The following PDGFRA variants were observed in gnomAD, a reference collection of about 807,000 sequenced individuals.
PDGFRA encodes the protein platelet derived growth factor receptor alpha.
PDGFRA carries 25 observed loss-of-function variants against 121.5 expected under a neutral mutation model. That is an observed-to-expected ratio of 0.21 (90% CI 0.15 to 0.29). PDGFRA has a LOEUF of 0.29. PDGFRA is among the 10% of genes least tolerant of loss of function. The probability of loss-of-function intolerance (pLI) is 1.00; values close to 1 mark genes in which losing one functional copy is unlikely to be tolerated. For missense variants in PDGFRA, 1,008 were observed against 1,345.1 expected, an observed-to-expected ratio of 0.75 and a Z score of 3.92; for synonymous variants, 463 against 494.8, an observed-to-expected ratio of 0.94 and a Z score of 0.85.
chr4:54,253,502 G>T (rs951200186), intron 1 of PDGFRA, among the ~76,000 whole-genome samples: 1 of 152,166 alleles, frequency 6.6e-6, no homozygotes, highest in Non-Finnish European at 1.5e-5. Flanking sequence ...AGAGTCAACA[G>T]AGCAGGGGTC....
At chr4:54,256,224 A>C (rs949574457) in intron 1 of PDGFRA, among the ~76,000 whole-genome samples, 2 of 151,934 alleles carry the variant, frequency 1.3e-5, no homozygotes, top group African/African-American at 2.4e-5. Context: ...CTCTACAGAT[A>C]ATTTTTATTT....
chr4:54,259,356 C>G (rs1305196201), intron 2 of PDGFRA, among the ~76,000 whole-genome samples: 4 of 152,166 alleles, frequency 2.6e-5, no homozygotes, highest in African/African-American at 9.7e-5. Context: ...AATTCTTGCC[C>G]AAGAAATCAT....
intron 16 of PDGFRA, among the ~76,000 whole-genome samples, chr4:54,281,198 C>T (rs1273261639): frequency 1.3e-5 from 2 of 152,136 alleles, no homozygotes. Context: ...TCCTCCAGAG[C>T]CCTGAACTGG....
At chr4:54,291,749 A>G (rs1006971041) in intron 22 of PDGFRA, among the ~76,000 whole-genome samples, 2 of 152,238 alleles carry the variant, frequency 1.3e-5, no homozygotes, top group Non-Finnish European at 2.9e-5. Flanking sequence ...TAACAGAATT[A>G]CCATTGGATC....
rs2110293117 is a variant in PDGFRA, at chr4:54,273,700, G to A, written c.1528G>A (p.Glu510Lys). 6.2e-7 allele frequency: 1 copy of A among 1,613,772 alleles called. No individual in the cohort carries two copies. Among genetic ancestry groups the A allele is most frequent in the South Asian group, 1.1e-5 (1 of 91,072 alleles). Residue 510 changes from glutamate (E) to lysine (K), a missense_variant, in exon 10 of 23, where the codon GAG becomes AAG. Glu to Lys is a moderately conservative substitution (Grantham distance 56, BLOSUM62 1). Coordinates refer to ENST00000257290, the MANE Select transcript of PDGFRA (RefSeq NM_006206.6). Reference protein sequence around the residue: ...RCLAKNLLGAENRELKLVAPT... With the variant: ...RCLAKNLLGAKNRELKLVAPT... ...CCTGGCTAAGAATCTCCTTGGAGCT[G>A]AGAACCGAGAGCTGAAGCTGGTGGC...
chr4:54,291,155 G>A (rs567763261), intron 22 of PDGFRA, among the ~76,000 whole-genome samples: 10 of 152,048 alleles, frequency 6.6e-5, no homozygotes, highest in South Asian at 2.1e-4. Context: ...TTCAGTATTC[G>A]TCACCCAGCT....
intron 1 of PDGFRA, among the ~76,000 whole-genome samples, chr4:54,249,568 G>A (rs933104012): frequency 6.6e-6 from 1 of 151,456 alleles, no homozygotes; most frequent in African/African-American, 2.5e-5. Context: ...CTCACTCATA[G>A]GTGGGAATTG....
intron 3 of PDGFRA, among the ~76,000 whole-genome samples, chr4:54,262,528 G>A (rs900625661): frequency 6.6e-6 from 1 of 152,142 alleles, no homozygotes; most frequent in Non-Finnish European, 1.5e-5. Flanking sequence ...TTTTGGCATA[G>A]GTGTGTCTTC....
intron 1 of PDGFRA, among the ~76,000 whole-genome samples, chr4:54,231,416 C>T (rs907094900): frequency 2.1e-4 from 32 of 152,230 alleles, no homozygotes; most frequent in African/African-American, 7.5e-4. Context: ...AAACGCACGA[C>T]AGTCCTCCGC....
intron 1 of PDGFRA, among the ~76,000 whole-genome samples, chr4:54,232,941 G>T (rs1052452353): frequency 1.3e-5 from 2 of 152,154 alleles, no homozygotes; most frequent in African/African-American, 2.4e-5. Flanking sequence ...AGCATTCCCG[G>T]TGAGCCGCTA....
chr4:54,251,331 A>T (rs1339754620), intron 1 of PDGFRA, among the ~76,000 whole-genome samples: 2 of 152,190 alleles, frequency 1.3e-5, no homozygotes, highest in African/African-American at 4.8e-5. Context: ...GAAAGTATTT[A>T]CTGCTTTTAA....
At position 54,286,401 on chromosome 4, in the gene PDGFRA, G is replaced by T. The variant is rs1724365716; in HGVS notation, c.2562+438G>T. On this transcript the variant is annotated intron_variant, in intron 18 of 22. Transcript: ENST00000257290. ...GACAGAGTCTCACTCTGTCACCCAG[G>T]CTGGAGTGCAGTGGCGCAATCTTGG... Among the ~76,000 whole-genome samples, 3 of 151,364 alleles carry T rather than the reference G, an allele frequency of 2.0e-5. No individual in the cohort carries two copies. In the South Asian group the frequency reaches 6.3e-4, roughly 32 times the overall value.
intron 8 of PDGFRA, among the ~76,000 whole-genome samples, chr4:54,271,970 CCCCT>C (rs1560477114): frequency 7.6e-4 from 1 of 1,312 alleles, no homozygotes; most frequent in African/African-American, 3.6e-3. Flanking sequence ...CCTCCCCTCC[CCCCT>C]CCCCTCCCCC....
intron 4 of PDGFRA, chr4:54,264,272 A>G (rs1722915816): frequency 2.4e-6 from 1 of 415,762 alleles, no homozygotes; most frequent in Admixed American, 4.1e-5. Flanking sequence ...GCCTAGATTA[A>G]TTTTAGTAAC....
At chr4:54,258,228 G>A (rs749286877) in intron 1 of PDGFRA, among the ~76,000 whole-genome samples, 3 of 152,082 alleles carry the variant, frequency 2.0e-5, no homozygotes, top group African/African-American at 7.2e-5. Context: ...CAAGAACCCC[G>A]GCTGGGTGCC....
At position 54,295,208 on chromosome 4, in the gene PDGFRA, A is replaced by G. The variant is rs372098007; in HGVS notation, c.3206A>G (p.Asp1069Gly). The G allele has an allele frequency of 1.4e-5, 22 of 1,613,748 alleles. No homozygotes were observed. In the Middle Eastern group the frequency reaches 4.9e-4, roughly 36 times the overall value. Residue 1069 changes from aspartate (D) to glycine (G), a missense_variant, in exon 23 of 23, where the codon GAC (aspartate) becomes GGC (glycine). By Grantham distance (94) the Asp-to-Gly change is moderately conservative. This residue lies in a region of PDGFRA where 204 missense variants were observed against 243.0 expected (regional missense o/e 0.84). Transcript: ENST00000257290. ...FIKREDETIEDIDMMDDIGID... is the reference protein window; with the variant it reads ...FIKREDETIEGIDMMDDIGID... ...AAGAGAGAGGACGAGACCATTGAAG[A>G]CATCGACATGATGGATGACATCGGC...
rs2110286595 is a variant in PDGFRA, at chr4:54,272,376, T to C, written c.1238-18T>C. The C allele has an allele frequency of 6.2e-7, 1 of 1,613,862 alleles. No individual in the cohort carries two copies. The highest frequency in any genetic ancestry group is 8.5e-7 in the Non-Finnish European group (1 of 1,179,902). On this transcript the variant is annotated intron_variant, in intron 8 of 22. Transcript: ENST00000257290. ...GGACACGAGCTATTCCATTCTGACT[T>C]CTTTCTGCCTCTTGCAGTTCCTTCA... is the stretch of plus-strand genomic sequence containing the variant.
chr4:54,285,600 T>TAA, intron 17 of PDGFRA, 114 bp downstream of exon 17: 1 of 742,606 alleles, frequency 1.3e-6, no homozygotes, highest in East Asian at 2.6e-5. Flanking sequence ...GCCTCTTACT[T>TAA]ACCTGTCTCT....
At chr4:54,243,580 T>A (rs1261317062) in intron 1 of PDGFRA, 2 of 152,228 alleles carry the variant, frequency 1.3e-5, no homozygotes, top group Non-Finnish European at 2.9e-5. Flanking sequence ...AGGAGGAGGT[T>A]GGAGCCAAGA....
Sources: allele counts gnomAD v4.1 joint callset (sites outside exome capture counted in the v4.1 genomes callset), GRCh38; gene constraint gnomAD v4.1.1; regional missense constraint gnomAD v4.1.1; transcripts MANE v1.5; gene names NCBI Gene and HGNC (gene_info 2026-07-23, HGNC 2026-07-21).